The following RAG1 variants were observed in gnomAD, a reference collection of about 807,000 sequenced individuals.
The protein encoded by RAG1 is V(D)J recombination-activating protein 1.
In RAG1, 35 loss-of-function variants were observed where a neutral mutation model predicts 62.7. That is an observed-to-expected ratio of 0.56 (90% CI 0.43 to 0.74). The LOEUF (loss-of-function observed/expected upper bound fraction) is 0.74, where lower values mean the gene tolerates loss of function less well. Among genes scored for constraint, RAG1 ranks in the 30% least tolerant of loss-of-function variants. The pLI is 0.00. For missense variants in RAG1, 1,169 were observed against 1,278.6 expected (o/e 0.91, Z 1.31); for synonymous variants, 461 against 470.3 (o/e 0.98, Z 0.26).
rs1247777115 is a variant in RAG1, at chr11:36,523,741, TA to T, written n.428+3519del. Among the ~76,000 whole-genome samples the T allele has an allele frequency of 3.9e-5, 6 of 152,266 alleles. No homozygotes were observed. In the East Asian group the frequency reaches 5.8e-4, roughly 15 times the overall value. On this transcript the variant is annotated intron_variant and non_coding_transcript_variant, in intron 2 of 2. Coordinates refer to the RAG1 transcript ENST00000529126. ...TTTGCTGGCCATTGCATAATTTTTT[TA>T]AAAAAATTACACTTTCAATTTTGAG...
At chr11:36,539,559 A>G (rs547836300), downstream of RAG1, among the ~76,000 whole-genome samples, 11 of 152,236 alleles carry the variant, frequency 7.2e-5, no homozygotes, top group African/African-American at 2.6e-4. Flanking sequence ...ATCTCAGCTC[A>G]CTGAAACCTC....
At chr11:36,535,293 AT>A (rs150854620) in intron 2 of RAG1, among the ~76,000 whole-genome samples, 1,856 of 152,264 alleles carry the variant, frequency 0.012, 33 homozygotes, top group African/African-American at 0.043. Context: ...AGTTGTTGGC[AT>A]TTTTTAAAAA....
intron 3 of RAG1, among the ~76,000 whole-genome samples, chr11:36,542,068 A>G (rs1850312814): frequency 6.6e-6 from 1 of 152,148 alleles, no homozygotes; most frequent in Non-Finnish European, 1.5e-5. Flanking sequence ...GACTGTCATT[A>G]AAAGTCTCAC....
At chr11:36,541,284 G>A (rs757805753) in intron 3 of RAG1, among the ~76,000 whole-genome samples, 50 of 152,148 alleles carry the variant, frequency 3.3e-4, no homozygotes, top group African/African-American at 1.1e-3. Context: ...GAAATGACTC[G>A]TTACACACAC....
upstream of RAG1, among the ~76,000 whole-genome samples, chr11:36,564,395 G>C (rs536026618): frequency 4.6e-5 from 7 of 152,222 alleles, no homozygotes; most frequent in South Asian, 1.0e-3. Flanking sequence ...GGTGGAAGAG[G>C]GGGTAGGGAG....
At chr11:36,536,761 T>C (rs1048873693), downstream of RAG1, among the ~76,000 whole-genome samples, 1 of 151,360 alleles carries the variant, frequency 6.6e-6, no homozygotes, top group Non-Finnish European at 1.5e-5. Context: ...TTTACTTATG[T>C]ATTTATTTAT....
Position 36,576,517 on chromosome 11 carries a change from A to G in RAG1, c.*81A>G. The G allele has an allele frequency of 6.6e-7, 1 of 1,516,214 alleles. No individual in the cohort carries two copies. Among genetic ancestry groups the G allele is most frequent in the South Asian group, 1.1e-5 (1 of 88,040 alleles). 93.9% of individuals were successfully genotyped at this position (1,516,214 alleles called of 1,614,324 possible). A position where few individuals can be genotyped will look rare whatever the true frequency, so the allele number is the denominator to read the frequency against. ...TTGAGGGCTTCTCCTAGCACCCTTT[A>G]CTGCTGTGTATGGGGCTTCACCATC... On this transcript the variant is annotated 3_prime_UTR_variant, in exon 2 of 2. Transcript: ENST00000299440.
At chr11:36,563,646 A>G (rs1404677730), upstream of RAG1, 1 of 152,230 alleles carries the variant, frequency 6.6e-6, no homozygotes, top group African/African-American at 2.4e-5. Flanking sequence ...ATTAAAATTT[A>G]TGAAAAATTT....
chr11:36,575,677 C>A lies in RAG1; in HGVS notation c.2373C>A (p.Val791=), dbSNP rs1357341637. ...CAGCTAAACCTTTCATTGAGACAGT[C>A]CCTTCCATAGATGCACTCCACTGTG... is the stretch of plus-strand genomic sequence containing the variant. ...GVSAKPFIET[V]PSIDALHCDI... is the part of the protein sequence containing the mutation. The change falls in exon 2 of 2, where the codon GTC becomes GTA. Residue 791 remains valine, a synonymous_variant. Transcript: ENST00000299440. This position sits in a 1 kb window ranked among gnomAD's most constrained non-coding sequence, Gnocchi z 4.1. The A allele has an allele frequency of 6.2e-7, 1 of 1,614,196 alleles. No individual in the cohort carries two copies. Among genetic ancestry groups the A allele is most frequent in the South Asian group, 1.1e-5 (1 of 91,076 alleles).
chr11:36,511,338 C>T (rs564271865), intron 1 of RAG1, among the ~76,000 whole-genome samples: 67 of 152,246 alleles, frequency 4.4e-4, no homozygotes, highest in African/African-American at 1.5e-3. Flanking sequence ...TCTGTAGTCT[C>T]GGCTACTCTG....
In RAG1 at chr11:36,579,752, A is replaced by C. The variant is rs2133302628; in HGVS notation, c.*3316A>C. On this transcript the variant is annotated 3_prime_UTR_variant, in exon 2 of 2. Coordinates refer to ENST00000299440, the MANE Select transcript of RAG1 (RefSeq NM_000448.3). ...TTTGAATATTTGAAATAAAAGTTTAAGATTTGAAAATGGTATGTATTATAA... is the reference window on the plus strand; with the variant it reads ...TTTGAATATTTGAAATAAAAGTTTACGATTTGAAAATGGTATGTATTATAA... 1 of 167,002 alleles carries C rather than the reference A, an allele frequency of 6.0e-6. No homozygotes were observed. Among genetic ancestry groups the C allele is most frequent in the African/African-American group, 2.4e-5 (1 of 41,560 alleles). The allele number at this position is 167,002 out of a possible 1,614,324, so 10.3% of individuals were successfully genotyped here.
chr11:36,512,174 G>C (rs1241104039), intron 1 of RAG1, among the ~76,000 whole-genome samples: 2 of 152,194 alleles, frequency 1.3e-5, no homozygotes, highest in Non-Finnish European at 2.9e-5. Flanking sequence ...GCAGGGCCAC[G>C]TGACTAGTTC....
In RAG1 at chr11:36,575,628, T is replaced by G. The variant is rs763202008; in HGVS notation, c.2324T>G (p.Leu775Arg). The G allele has an allele frequency of 6.2e-7, 1 of 1,614,214 alleles. No individual in the cohort carries two copies. The highest frequency in any genetic ancestry group is 8.5e-7 in the Non-Finnish European group (1 of 1,180,026). Residue 775 changes from leucine (L) to arginine (R), a missense_variant, in exon 2 of 2, where the codon CTG becomes CGG. Coordinates refer to ENST00000299440, the MANE Select transcript of RAG1 (RefSeq NM_000448.3). The surrounding 1 kb of genome is among the most constrained non-coding windows in gnomAD (Gnocchi z 4.1). ...SNPYHESVEELRDRVKGVSAK... is the reference protein window; with the variant it reads ...SNPYHESVEERRDRVKGVSAK... Reference sequence around the variant, plus strand: ...CCTTACCATGAGTCTGTGGAAGAACTGCGGGATCGGGTGAAAGGGGTCTCA... The same window carrying G: ...CCTTACCATGAGTCTGTGGAAGAACGGCGGGATCGGGTGAAAGGGGTCTCA...
At chr11:36,524,011 C>G (rs960218137) in intron 2 of RAG1, among the ~76,000 whole-genome samples, 1 of 152,152 alleles carries the variant, frequency 6.6e-6, no homozygotes, top group African/African-American at 2.4e-5. Flanking sequence ...CTAATCTGTT[C>G]TCTATTTCTA....
intron 1 of RAG1, among the ~76,000 whole-genome samples, chr11:36,516,332 GT>G (rs1323176251): frequency 6.6e-6 from 1 of 152,194 alleles, no homozygotes; most frequent in South Asian, 2.1e-4. Context: ...TGGTTTGTTT[GT>G]TTTTTTGAGA....
intron 1 of RAG1, among the ~76,000 whole-genome samples, chr11:36,571,189 A>G (rs1193098947): frequency 6.6e-6 from 1 of 152,210 alleles, no homozygotes; most frequent in Non-Finnish European, 1.5e-5. Flanking sequence ...ATGCCTTATG[A>G]TTGACTTACT....
At chr11:36,543,353 T>A (rs1850339777) in intron 3 of RAG1, among the ~76,000 whole-genome samples, 6 of 152,212 alleles carry the variant, frequency 3.9e-5, no homozygotes, top group Admixed American at 3.9e-4. Flanking sequence ...GCTTGCCTCA[T>A]CCCTCTGATG....
At chr11:36,544,750 G>A (rs1182941018) in intron 3 of RAG1, among the ~76,000 whole-genome samples, 1 of 152,166 alleles carries the variant, frequency 6.6e-6, no homozygotes, top group Non-Finnish European at 1.5e-5. Flanking sequence ...GTCGAGGGAG[G>A]GACCCTGTGG....
At chr11:36,529,596 C>T (rs984011263) in intron 2 of RAG1, among the ~76,000 whole-genome samples, 5 of 152,150 alleles carry the variant, frequency 3.3e-5, no homozygotes, top group African/African-American at 1.2e-4. Context: ...GACAAGGATG[C>T]CCTCTCTCGC....
Sources: gnomAD v4.1 joint callset for allele counts (sites outside exome capture counted in the v4.1 genomes callset) on GRCh38, gnomAD v4.1.1 for gene constraint, Gnocchi (gnomAD v3.1) non-coding constraint, MANE v1.5 for transcripts, NCBI Gene and HGNC (gene_info 2026-07-23, HGNC 2026-07-21) for gene names.